Variants in MAP4 observed in about 807,000 individuals in gnomAD.
The protein encoded by MAP4 is microtubule associated protein 4.
A neutral mutation model predicts 170.2 loss-of-function variants in MAP4; 76 were observed. The observed-to-expected ratio is 0.45, with a 90% CI of 0.37 to 0.54. The LOEUF is 0.54. MAP4 is among the 20% of genes least tolerant of loss of function. The pLI is 0.00. For synonymous variants in MAP4, 909 were observed against 994.5 expected, an observed-to-expected ratio of 0.91 and a Z score of 1.62; for missense variants, 2,506 against 2,748.0, an observed-to-expected ratio of 0.91 and a Z score of 1.97.
At chr3:48,009,675 A>G (rs928771218) in intron 1 of MAP4, among the ~76,000 whole-genome samples, 1 of 152,162 alleles carries the variant, frequency 6.6e-6, no homozygotes, top group South Asian at 2.1e-4. Flanking sequence ...ATCAGCGTCC[A>G]ATATAAGGTA....
chr3:47,911,895 G>C lies in MAP4; in HGVS notation c.2526C>G (p.Ala842=). ...KRECLVNSSA[A]RLVAENFVSE... Reference sequence around the variant, plus strand: ...AGACAAAGTTCTCAGCTACCAGTCTGGCTGCACTGGAGTTAACTAAACATT... The same window carrying C: ...AGACAAAGTTCTCAGCTACCAGTCTCGCTGCACTGGAGTTAACTAAACATT... Residue 842 remains alanine (A), a synonymous_variant, in exon 9 of 21, where the codon GCC becomes GCG. Coordinates refer to ENST00000683076, the MANE Select transcript of MAP4 (RefSeq NM_001385682.1). The surrounding 1 kb of genome is among the most constrained non-coding windows in gnomAD (Gnocchi z 4.0). 1 of 1,536,044 alleles carries C rather than the reference G, an allele frequency of 6.5e-7. No individual in the cohort carries two copies. The highest frequency in any genetic ancestry group is 1.2e-5 in the South Asian group (1 of 84,056).
chr3:47,934,358 A>G (rs915734593), intron 3 of MAP4, among the ~76,000 whole-genome samples: 4 of 152,160 alleles, frequency 2.6e-5, no homozygotes, highest in Non-Finnish European at 1.5e-5. Flanking sequence ...GCTGGAATCC[A>G]GTGACTTGAT....
chr3:47,996,145 T>C (rs755844110), intron 2 of MAP4, among the ~76,000 whole-genome samples: 4 of 152,134 alleles, frequency 2.6e-5, no homozygotes, highest in African/African-American at 4.8e-5. Context: ...CACTGGGATC[T>C]TTCTCTCCTG....
At position 47,871,093 on chromosome 3, in the gene MAP4, C is replaced by T. The variant is rs371272228; in HGVS notation, c.6014G>A (p.Arg2005His). 142 of 1,604,944 alleles carry T rather than the reference C, an allele frequency of 8.8e-5. No individual in the cohort carries two copies. The highest frequency in any genetic ancestry group is 1.1e-4 in the Non-Finnish European group (134 of 1,173,574). ...GGAACTGGTGGAGGTGCTCTTTGGG[C>T]GACTCAAGTCAGCTGCAAAGAAGGG... ...TAKSVPADLS[R>H]PKSTSTSSMK... Residue 2005 changes from arginine to histidine, a missense_variant, in exon 15 of 21, where the codon CGC becomes CAC. Coordinates refer to ENST00000683076, the MANE Select transcript of MAP4 (RefSeq NM_001385682.1).
intron 3 of MAP4, among the ~76,000 whole-genome samples, chr3:47,956,095 A>T (rs2100067636): frequency 6.6e-6 from 1 of 152,192 alleles, no homozygotes; most frequent in Admixed American, 6.5e-5. Flanking sequence ...TGAGCTTCTC[A>T]TCAGGAACTA....
chr3:48,014,820 A>G (rs1451997238), intron 1 of MAP4, among the ~76,000 whole-genome samples: 1 of 152,164 alleles, frequency 6.6e-6, no homozygotes, highest in Admixed American at 6.5e-5. Flanking sequence ...ATAGAATCCT[A>G]TTTCTTAATT....
In MAP4 at chr3:47,910,231, G is replaced by A. The variant is rs1406651225; in HGVS notation, c.4190C>T (p.Thr1397Ile). The change falls in exon 9 of 21, where the codon ACA becomes ATA. Residue 1397 changes from threonine to isoleucine, a missense_variant. Thr to Ile is a moderately conservative substitution (Grantham distance 89, BLOSUM62 -1). Coordinates refer to ENST00000683076, the MANE Select transcript of MAP4 (RefSeq NM_001385682.1). ...CATTCCTTCAATTCCCTGGTCCCCT[G>A]TGGTTTCCATGGGAACATGTATTTT... ...ATKIHVPMET[T>I]GDQGIEGMAY... 6.2e-7 allele frequency: 1 copy of A among 1,611,100 alleles called. No individual in the cohort carries two copies. Among genetic ancestry groups the A allele is most frequent in the Admixed American group, 1.7e-5 (1 of 59,996 alleles).
At chr3:47,915,784 G>A (rs1340527926) in intron 7 of MAP4, among the ~76,000 whole-genome samples, 167 bp downstream of exon 7, 4 of 152,204 alleles carry the variant, frequency 2.6e-5, no homozygotes, top group Non-Finnish European at 5.9e-5. Context: ...TTGGAGGTGG[G>A]AGGAGGGTAA....
intron 10 of MAP4, among the ~76,000 whole-genome samples, chr3:47,897,816 C>A (rs973181368): frequency 2.0e-5 from 3 of 151,622 alleles, no homozygotes; most frequent in African/African-American, 4.9e-5. Context: ...GTGGCAGGTA[C>A]CTGTAATCCC....
At chr3:47,985,453 C>A (rs997335534) in intron 2 of MAP4, among the ~76,000 whole-genome samples, 1 of 151,802 alleles carries the variant, frequency 6.6e-6, no homozygotes, top group Admixed American at 6.6e-5. Flanking sequence ...TAAATAAATG[C>A]TTTTTTTTAA....
intron 1 of MAP4, among the ~76,000 whole-genome samples, chr3:48,072,671 G>A (rs568359635): frequency 6.6e-6 from 1 of 152,238 alleles, no homozygotes; most frequent in Non-Finnish European, 1.5e-5. Flanking sequence ...AGGGGCAAAA[G>A]GTATAGAAGA....
upstream of MAP4, among the ~76,000 whole-genome samples, chr3:48,019,092 C>A (rs1420826501): frequency 6.6e-6 from 1 of 152,188 alleles, no homozygotes; most frequent in Non-Finnish European, 1.5e-5. Flanking sequence ...AATCCCAGAA[C>A]TCTGGGAGGC....
chr3:47,871,779 C>G, intron 13 of MAP4, 138 bp downstream of exon 13: 1 of 747,296 alleles, frequency 1.3e-6, no homozygotes, highest in Non-Finnish European at 2.2e-6. Context: ...TACCACTGTT[C>G]CAGGTAGTCC....
chr3:47,892,717 C>T (rs373953416), intron 10 of MAP4: 13 of 1,354,210 alleles, frequency 9.6e-6, no homozygotes, highest in Non-Finnish European at 1.1e-5. Flanking sequence ...AAGGAAGGAA[C>T]CTGCTGCTTT....
chr3:48,013,811 T>A (rs1309238724), intron 1 of MAP4, among the ~76,000 whole-genome samples: 2 of 148,804 alleles, frequency 1.3e-5, no homozygotes, highest in Admixed American at 1.3e-4. Flanking sequence ...CTTAAGAAAC[T>A]CCACCCAGTT....
intron 17 of MAP4, among the ~76,000 whole-genome samples, chr3:47,859,464 C>A (rs944553357): frequency 6.6e-6 from 1 of 152,176 alleles, no homozygotes; most frequent in African/African-American, 2.4e-5. Flanking sequence ...GAATAACTAC[C>A]CACAATCCCC....
chr3:48,074,583 A>G (rs544525524), intron 1 of MAP4, among the ~76,000 whole-genome samples: 16 of 145,848 alleles, frequency 1.1e-4, no homozygotes, highest in African/African-American at 3.9e-4. Flanking sequence ...GCAGGATCAC[A>G]GATCGACGTC....
At chr3:47,921,937 ATTTCTTTCTTTCTTTCTTTTT>A (rs2100043141) in intron 4 of MAP4, 59 bp from the exon 5 acceptor site, 2 of 799,970 alleles carry the variant, frequency 2.5e-6, no homozygotes. Context: ...AAAGATTAAT[ATTTCTTTCTTTCTTTCTTTTT>A]TTTTTTTGAG....
chr3:47,967,285 T>G (rs978963909), intron 3 of MAP4, among the ~76,000 whole-genome samples: 5 of 152,032 alleles, frequency 3.3e-5, no homozygotes, highest in Middle Eastern at 3.4e-3. Context: ...CAGTGAGCCA[T>G]GAACGGGTCA....
Sources: allele counts gnomAD v4.1 joint callset (sites outside exome capture counted in the v4.1 genomes callset), GRCh38; gene constraint gnomAD v4.1.1; non-coding constraint Gnocchi (gnomAD v3.1); transcripts MANE v1.5; gene names NCBI Gene and HGNC (gene_info 2026-07-23, HGNC 2026-07-21).